The following ZNF396 variants were observed in gnomAD, a reference collection of about 807,000 sequenced individuals.
ZNF396 encodes the protein zinc finger and SCAN domain-containing protein 14.
ZNF396 carries 14 observed loss-of-function variants against 20.5 expected under a neutral mutation model. The ratio of observed to expected loss-of-function variants is 0.68; its 90% CI spans 0.45 to 1.07. ZNF396 has a LOEUF of 1.07. Ranked by LOEUF, ZNF396 falls within the 50% of genes least tolerant of loss-of-function variation. ZNF396 has a pLI of 0.00. For missense variants in ZNF396, 347 were observed against 390.1 expected (o/e 0.89, Z 0.93); for synonymous variants, 119 against 140.6 (o/e 0.85, Z 1.08).
rs776681041 is a variant in ZNF396, at chr18:35,373,867, C to T, written c.417+9G>A. The T allele has an allele frequency of 6.2e-7, 1 of 1,603,428 alleles. No homozygotes were observed. Among genetic ancestry groups the T allele is most frequent in the Admixed American group, 1.7e-5 (1 of 59,486 alleles). On this transcript the variant is annotated intron_variant, in intron 2 of 3. Transcript: ENST00000589332. ...CCTGGGGGTTCATCTCCACAGGCAT[C>T]CTTCTTACCTGCTTTGGTCCATCAA...
rs957381489 is a variant in ZNF396, at chr18:35,373,714, A to C, written c.418-114T>G. On this transcript the variant is annotated intron_variant, in intron 2 of 3. Coordinates refer to ENST00000589332, the MANE Select transcript of ZNF396 (RefSeq NM_001322286.2). ...CATGGACACAGGAAAAGGGAGGGAA[A>C]AAGTAGAGCCACCTTCTATTTGCTG... is the stretch of plus-strand genomic sequence containing the variant. The C allele has an allele frequency of 1.1e-5, 16 of 1,508,736 alleles. No homozygotes were observed. In the African/African-American group the frequency reaches 1.7e-4, roughly 16 times the overall value. 93.5% of individuals were successfully genotyped at this position (1,508,736 alleles called of 1,614,324 possible). A position where few individuals can be genotyped will look rare whatever the true frequency, so the allele number is the denominator to read the frequency against.
chr18:35,373,679 C>T (rs1169289753), intron 2 of ZNF396, 79 bp from the exon 3 acceptor site: 1 of 1,549,148 alleles, frequency 6.5e-7, no homozygotes, highest in Non-Finnish European at 8.7e-7. Flanking sequence ...AGAAACTATG[C>T]AAAAAGTATC....
chr18:35,369,413 C>T lies in ZNF396; in HGVS notation c.810G>A (p.Gln270=). 1 of 1,614,230 alleles carries T rather than the reference C, an allele frequency of 6.2e-7. No homozygotes were observed. Among genetic ancestry groups the T allele is most frequent in the Non-Finnish European group, 8.5e-7 (1 of 1,180,040 alleles). The change falls in exon 4 of 4, where the codon CAG becomes CAA. Residue 270 remains glutamine, a synonymous_variant. Transcript: ENST00000589332. ...FSQSSALILH[Q]RIHSGKKPYA... ...AAGGTTTCTTTCCACTGTGGATTCT[C>T]TGATGTAAAATAAGGGCTGAGCTCT...
In ZNF396 at chr18:35,368,333, A is replaced by G. The variant is rs769375471; in HGVS notation, c.*882T>C. 5.1e-6 allele frequency: 7 copies of G among 1,382,194 alleles called. No homozygotes were observed. Among genetic ancestry groups the G allele is most frequent in the African/African-American group, 1.5e-5 (1 of 67,072 alleles). The allele number at this position is 1,382,194 out of a possible 1,614,324, so 85.6% of individuals were successfully genotyped here. A position where few individuals can be genotyped will look rare whatever the true frequency, so the allele number is the denominator to read the frequency against. On this transcript the variant is annotated 3_prime_UTR_variant, in exon 4 of 4. Coordinates refer to ENST00000589332, the MANE Select transcript of ZNF396 (RefSeq NM_001322286.2). ...AGTATGGAGGCTCTTGTGTGCTTTC[A>G]TAAGATAAGGCCTTTATTTATCTGC...
At chr18:35,371,315 T>A (rs902633125) in intron 3 of ZNF396, among the ~76,000 whole-genome samples, 2 of 152,120 alleles carry the variant, frequency 1.3e-5, no homozygotes, top group Non-Finnish European at 2.9e-5. Context: ...TATATAAAAA[T>A]CAAATCAAAT....
chr18:35,370,079 A>G (rs1249529046), intron 3 of ZNF396, among the ~76,000 whole-genome samples: 1 of 152,200 alleles, frequency 6.6e-6, no homozygotes, highest in African/African-American at 2.4e-5. Flanking sequence ...AGGAATCAGT[A>G]ACTATGCAAA....
At chr18:35,377,097 A>G (rs1191796982) in intron 1 of ZNF396, among the ~76,000 whole-genome samples, 181 bp downstream of exon 1, 1 of 151,882 alleles carries the variant, frequency 6.6e-6, no homozygotes, top group Non-Finnish European at 1.5e-5. Flanking sequence ...GCGCGGACTC[A>G]GGGGCAGGCA....
Position 35,369,692 on chromosome 18 carries a change from G to C in ZNF396, c.563-32C>G, listed in dbSNP as rs75846856. 2.4e-4 allele frequency: 369 copies of C among 1,551,108 alleles called. 2 individuals are homozygous for C. The East Asian group carries it at 7.2e-3, about 30-fold the overall frequency. On this transcript the variant is annotated intron_variant, in intron 3 of 3. Transcript: ENST00000589332. ...TGGAAAAACAAATGTCACCAGGAAA[G>C]AGAAAGGATGATCCAAATGAAATAT...
At chr18:35,370,862 G>C (rs1287118509) in intron 3 of ZNF396, among the ~76,000 whole-genome samples, 3 of 152,200 alleles carry the variant, frequency 2.0e-5, no homozygotes, top group African/African-American at 7.2e-5. Flanking sequence ...CTTAAAATGA[G>C]TTTATAAAAG....
chr18:35,374,457 AG>A lies in ZNF396; in HGVS notation c.-72-94del. On this transcript the variant is annotated intron_variant, in intron 1 of 3. Transcript: ENST00000589332. This position sits in a 1 kb window ranked among gnomAD's most constrained non-coding sequence, Gnocchi z 4.3. Reference sequence around the variant, plus strand: ...TAAGATTAGAAACATAAGACTGTATAGGAACTACTGACCTTAGTCTTAACAG... The same window carrying A: ...TAAGATTAGAAACATAAGACTGTATAGAACTACTGACCTTAGTCTTAACAG... The A allele has an allele frequency of 1.6e-6, 1 of 623,938 alleles. No individual in the cohort carries two copies. Among genetic ancestry groups the A allele is most frequent in the East Asian group, 2.9e-5 (1 of 35,068 alleles). 38.7% of individuals were successfully genotyped at this position (623,938 alleles called of 1,614,324 possible).
At chr18:35,369,714 A>G in intron 3 of ZNF396, 54 bp from the exon 4 acceptor site, 1 of 1,487,226 alleles carries the variant, frequency 6.7e-7, no homozygotes, top group Non-Finnish European at 9.0e-7. Flanking sequence ...TCCAAATGAA[A>G]TATACATGAT....
Position 35,369,361 on chromosome 18 carries a change from AT to A in ZNF396, c.861del (p.Phe288SerfsTer7). ...KPYACDECAK[A>X]FSRSAILIQH... ...TGAATCAGAATTGCGCTTCGGCTGA[AT>A]GCCTTTGCACACTCGTCACATGCAT... On this transcript the variant is annotated frameshift_variant, in exon 4 of 4. Transcript: ENST00000589332. LOFTEE classifies it low-confidence loss of function (END_TRUNC). 6.2e-7 allele frequency: 1 copy of A among 1,614,240 alleles called. No homozygotes were observed. The highest frequency in any genetic ancestry group is 1.1e-5 in the South Asian group (1 of 91,084).
At position 35,374,821 on chromosome 18, in the gene ZNF396, CTTCT is replaced by C. The variant is rs2045235677; in HGVS notation, c.-72-461_-72-458del. 6.4e-6 allele frequency: 1 copy of C among 155,202 alleles called. No homozygotes were observed. Among genetic ancestry groups the C allele is most frequent in the African/African-American group, 2.4e-5 (1 of 41,438 alleles). 9.6% of individuals were successfully genotyped at this position (155,202 alleles called of 1,614,324 possible). A position where few individuals can be genotyped will look rare whatever the true frequency, so the allele number is the denominator to read the frequency against. ...CCAGAAACCATGCTTTTGAAGAATACTTCTTTAAGAGAACCAAACAGCTAAGACT... is the reference window on the plus strand; with the variant it reads ...CCAGAAACCATGCTTTTGAAGAATACTTAAGAGAACCAAACAGCTAAGACT... On this transcript the variant is annotated intron_variant, in intron 1 of 3. Transcript: ENST00000589332. This position sits in a 1 kb window ranked among gnomAD's most constrained non-coding sequence, Gnocchi z 4.3.
At position 35,374,233 on chromosome 18, in the gene ZNF396, A is replaced by ATT. The variant is rs1352947456; in HGVS notation, c.58_59dup (p.Asn20LysfsTer5). 1 of 1,614,122 alleles carries ATT rather than the reference A, an allele frequency of 6.2e-7. No homozygotes were observed. Among genetic ancestry groups the ATT allele is most frequent in the South Asian group, 1.1e-5 (1 of 91,082 alleles). ...CTTCCATCTTCTCTGTCAGAATCCCATTACACTCCTCTGAAGTTTGTGTTA... is the reference window on the plus strand; with the variant it reads ...CTTCCATCTTCTCTGTCAGAATCCCATTTTACACTCCTCTGAAGTTTGTGTTA... On this transcript the variant is annotated frameshift_variant, in exon 2 of 4. Transcript: ENST00000589332. LOFTEE classifies it high-confidence loss of function. This position sits in a 1 kb window ranked among gnomAD's most constrained non-coding sequence, Gnocchi z 4.3.
chr18:35,371,078 T>C (rs2045172573), intron 3 of ZNF396, among the ~76,000 whole-genome samples: 2 of 152,186 alleles, frequency 1.3e-5, no homozygotes, highest in Non-Finnish European at 2.9e-5. Flanking sequence ...GAAGAATTAG[T>C]GATGCAATGT....
rs1443270263 is a variant in ZNF396 at position 35,367,420 on chromosome 18, A to G, written c.*1795T>C. On this transcript the variant is annotated 3_prime_UTR_variant, in exon 4 of 4. Transcript: ENST00000589332. Reference sequence around the variant, plus strand: ...ATTTTCTGAGAATGAAATGTTTTATACTTTATGAGGAACCCAACCAGACAA... The same window carrying G: ...ATTTTCTGAGAATGAAATGTTTTATGCTTTATGAGGAACCCAACCAGACAA... The G allele has an allele frequency of 6.6e-6, 1 of 152,204 alleles. No homozygotes were observed. The highest frequency in any genetic ancestry group is 1.5e-5 in the Non-Finnish European group (1 of 68,026). 9.4% of individuals were successfully genotyped at this position (152,204 alleles called of 1,614,324 possible). A position where few individuals can be genotyped will look rare whatever the true frequency, so the allele number is the denominator to read the frequency against.
chr18:35,368,906 T>C lies in ZNF396; in HGVS notation c.*309A>G. On this transcript the variant is annotated 3_prime_UTR_variant, in exon 4 of 4. Coordinates refer to ENST00000589332, the MANE Select transcript of ZNF396 (RefSeq NM_001322286.2). Reference sequence around the variant, plus strand: ...ACTTGTCTAAAAAGATATATACTAATTCATTATATGTGTTAATAATGAAAA... The same window carrying C: ...ACTTGTCTAAAAAGATATATACTAACTCATTATATGTGTTAATAATGAAAA... The C allele has an allele frequency of 9.0e-7, 1 of 1,107,224 alleles. No individual in the cohort carries two copies. Among genetic ancestry groups the C allele is most frequent in the South Asian group, 4.0e-5 (1 of 25,246 alleles). 68.6% of individuals were successfully genotyped at this position (1,107,224 alleles called of 1,614,324 possible). A position where few individuals can be genotyped will look rare whatever the true frequency, so the allele number is the denominator to read the frequency against.
intron 2 of ZNF396, 27 bp from the exon 3 acceptor site, chr18:35,373,627 A>G (rs2045215587): frequency 1.2e-6 from 2 of 1,611,808 alleles, no homozygotes; most frequent in Non-Finnish European, 8.5e-7. Context: ...TTGAGGCTGA[A>G]GAACACCATC....
In ZNF396 at chr18:35,366,868, A is replaced by G. The variant is rs2045105369; in HGVS notation, c.*2347T>C. On this transcript the variant is annotated 3_prime_UTR_variant, in exon 4 of 4. Transcript: ENST00000589332. ...TTCAAAGTACACAGAGACACCCTTT[A>G]AAGATTCATCATATACTTAGACGAT... 1 of 152,236 alleles carries G rather than the reference A, an allele frequency of 6.6e-6. No individual in the cohort carries two copies. The highest frequency in any genetic ancestry group is 2.4e-5 in the African/African-American group (1 of 41,470). 9.4% of individuals were successfully genotyped at this position (152,236 alleles called of 1,614,324 possible).
Sources: allele counts gnomAD v4.1 joint callset (sites outside exome capture counted in the v4.1 genomes callset), GRCh38; gene constraint gnomAD v4.1.1; non-coding constraint Gnocchi (gnomAD v3.1); transcripts MANE v1.5; gene names NCBI Gene and HGNC (gene_info 2026-07-23, HGNC 2026-07-21).